The following RPS6KC1 variants were observed in gnomAD, a reference collection of about 807,000 sequenced individuals.
The protein encoded by RPS6KC1 is ribosomal protein S6 kinase C1.
A neutral mutation model predicts 103.8 loss-of-function variants in RPS6KC1; 54 were observed. That is an observed-to-expected ratio of 0.52 (90% confidence interval 0.42 to 0.65). The LOEUF is 0.65. RPS6KC1 is among the 30% of genes least tolerant of loss of function. The pLI is 0.00. For missense variants in RPS6KC1, 1,151 were observed against 1,253.8 expected (o/e 0.92, Z 1.24); for synonymous variants, 439 against 438.7 (o/e 1.00, Z -0.01).
intron 12 of RPS6KC1, among the ~76,000 whole-genome samples, chr1:213,246,950 A>C (rs745374585): frequency 1.3e-5 from 2 of 152,230 alleles, no homozygotes; most frequent in Non-Finnish European, 2.9e-5. Context: ...AGACAAGTGC[A>C]TAAAATTATT....
the RPS6KC1 span, among the ~76,000 whole-genome samples, chr1:213,452,311 T>G: frequency 6.8e-6 from 1 of 146,296 alleles, no homozygotes; most frequent in Non-Finnish European, 1.5e-5. Context: ...TTTCTCTCAC[T>G]CCTCTCTCTG....
the RPS6KC1 span, chr1:213,817,795 A>G: frequency 1.6e-4 from 23 of 146,214 alleles, no homozygotes; most frequent in African/African-American, 5.7e-4. Context: ...CAGATATTAC[A>G]GTTTTTTTTT....
the RPS6KC1 span, among the ~76,000 whole-genome samples, chr1:213,442,890 C>T: frequency 9.2e-5 from 14 of 152,158 alleles, no homozygotes; most frequent in Middle Eastern, 3.5e-3. Flanking sequence ...AATCAAATTG[C>T]TGCCCTCTGG....
chr1:213,567,454 G>C, the RPS6KC1 span, among the ~76,000 whole-genome samples: 1 of 152,212 alleles, frequency 6.6e-6, no homozygotes, highest in Non-Finnish European at 1.5e-5. Flanking sequence ...CCCACAGGCA[G>C]CTGCAGTATC....
intron 6 of RPS6KC1, among the ~76,000 whole-genome samples, chr1:213,154,571 G>T (rs766087688): frequency 2.6e-5 from 4 of 152,184 alleles, no homozygotes; most frequent in East Asian, 1.9e-4. Context: ...AATACTGCTG[G>T]CATTCTCTTA....
At chr1:213,213,209 AC>A (rs2093563037) in intron 8 of RPS6KC1, among the ~76,000 whole-genome samples, 1 of 152,166 alleles carries the variant, frequency 6.6e-6, no homozygotes, top group Non-Finnish European at 1.5e-5. Flanking sequence ...TTTATATTTT[AC>A]ATTTAGGTCT....
intron 8 of RPS6KC1, among the ~76,000 whole-genome samples, chr1:213,229,608 GTT>G (rs1558585681): frequency 6.6e-6 from 1 of 151,928 alleles, no homozygotes; most frequent in Non-Finnish European, 1.5e-5. Context: ...TGCTACAGTA[GTT>G]TTTCCAAAAT....
intron 8 of RPS6KC1, among the ~76,000 whole-genome samples, chr1:213,192,315 A>C (rs2092777637): frequency 6.6e-6 from 1 of 152,140 alleles, no homozygotes; most frequent in African/African-American, 2.4e-5. Context: ...TTTTTCCATC[A>C]GTATTCATCA....
chr1:213,802,834 G>A, the RPS6KC1 span, among the ~76,000 whole-genome samples: 3 of 152,138 alleles, frequency 2.0e-5, no homozygotes, highest in African/African-American at 7.2e-5. Context: ...TGTCACTGTT[G>A]CAATGTCTCC....
At chr1:213,506,229 G>T in the RPS6KC1 span, among the ~76,000 whole-genome samples, 1 of 152,140 alleles carries the variant, frequency 6.6e-6, no homozygotes, top group African/African-American at 2.4e-5. Context: ...ACCTGGTTTT[G>T]AATTGGTAAG....
At chr1:213,307,538 C>T in the RPS6KC1 span, among the ~76,000 whole-genome samples, 3 of 152,118 alleles carry the variant, frequency 2.0e-5, no homozygotes, top group East Asian at 1.9e-4. Flanking sequence ...CTTAAAGTCC[C>T]GTATCCTATT....
At chr1:213,307,254 A>C in the RPS6KC1 span, among the ~76,000 whole-genome samples, 1 of 151,896 alleles carries the variant, frequency 6.6e-6, no homozygotes. Context: ...TAGTAGAGAC[A>C]GGGTTTCACC....
chr1:213,734,215 T>C, the RPS6KC1 span, among the ~76,000 whole-genome samples: 2 of 152,240 alleles, frequency 1.3e-5, no homozygotes, highest in Non-Finnish European at 2.9e-5. Flanking sequence ...GGTGGCTGTA[T>C]GGCTCTGGGT....
the RPS6KC1 span, among the ~76,000 whole-genome samples, chr1:213,676,127 G>T: frequency 2.0e-5 from 3 of 152,082 alleles, no homozygotes; most frequent in Non-Finnish European, 2.9e-5. Flanking sequence ...ACCTTTACAC[G>T]TGTTGTTCTC....
chr1:213,430,198 A>T, the RPS6KC1 span, among the ~76,000 whole-genome samples: 1 of 152,194 alleles, frequency 6.6e-6, no homozygotes. Context: ...ACAAAGACCC[A>T]GTTCTGGATA....
chr1:213,122,556 G>A (rs917642213), intron 5 of RPS6KC1, among the ~76,000 whole-genome samples: 2 of 152,006 alleles, frequency 1.3e-5, no homozygotes, highest in African/African-American at 4.8e-5. Flanking sequence ...ACATAATATA[G>A]TGTGAGATGA....
At chr1:213,289,138 C>A in the RPS6KC1 span, among the ~76,000 whole-genome samples, 2 of 151,056 alleles carry the variant, frequency 1.3e-5, no homozygotes, top group African/African-American at 2.4e-5. Flanking sequence ...GGTCTGGAAA[C>A]ATAGTATCTA....
the RPS6KC1 span, among the ~76,000 whole-genome samples, chr1:213,814,163 A>G: frequency 1.3e-5 from 2 of 152,236 alleles, no homozygotes; most frequent in African/African-American, 2.4e-5. Context: ...TCCAGCTGGC[A>G]TGTATCCTTT....
chr1:213,113,326 T>C (rs1365538646), intron 4 of RPS6KC1, among the ~76,000 whole-genome samples: 2 of 152,158 alleles, frequency 1.3e-5, no homozygotes, highest in South Asian at 4.1e-4. Context: ...ATGGTGAGCA[T>C]TTTTTCATGT....
Sources: allele counts gnomAD v4.1 joint callset (sites outside exome capture counted in the v4.1 genomes callset), GRCh38; gene constraint gnomAD v4.1.1; transcripts MANE v1.5; gene names NCBI Gene and HGNC (gene_info 2026-07-23, HGNC 2026-07-21).